Variants in CRACD observed in about 807,000 individuals in gnomAD.
CRACD encodes capping protein inhibiting regulator of actin dynamics.
CRACD carries 56 observed loss-of-function variants against 106.8 expected under a neutral mutation model. The observed-to-expected ratio is 0.52, with a 90% CI of 0.42 to 0.66. The LOEUF (loss-of-function observed/expected upper bound fraction) is 0.66, where lower values mean the gene tolerates loss of function less well. Ranked by LOEUF, CRACD falls within the 30% of genes least tolerant of loss-of-function variation. The pLI is 0.00. For missense variants in CRACD, 1,730 were observed against 1,623.2 expected, an observed-to-expected ratio of 1.07 and a Z score of -1.13; for synonymous variants, 754 against 670.8, an observed-to-expected ratio of 1.12 and a Z score of -1.92.
intron 3 of CRACD, among the ~76,000 whole-genome samples, chr4:56,280,825 T>C (rs951825731): frequency 2.0e-5 from 3 of 152,226 alleles, no homozygotes; most frequent in African/African-American, 7.2e-5. Flanking sequence ...TATACTGAAG[T>C]GCAGGCTCCC....
At chr4:56,306,383 A>G (rs1261716530) in intron 4 of CRACD, among the ~76,000 whole-genome samples, 1 of 152,078 alleles carries the variant, frequency 6.6e-6, no homozygotes, top group Non-Finnish European at 1.5e-5. Flanking sequence ...AATCCCAGCT[A>G]CTTGGAAGGC....
chr4:56,207,555 G>A (rs1052799735), intron 2 of CRACD, among the ~76,000 whole-genome samples: 27 of 151,746 alleles, frequency 1.8e-4, no homozygotes, highest in Non-Finnish European at 3.2e-4. Context: ...ATCTATCAAG[G>A]CATAAGGTTG....
chr4:56,300,662 C>G (rs1744317447), intron 4 of CRACD, among the ~76,000 whole-genome samples: 1 of 152,116 alleles, frequency 6.6e-6, no homozygotes, highest in Admixed American at 6.5e-5. Context: ...GTTCACAAAA[C>G]AGCTGTATTT....
At chr4:56,288,545 C>G (rs1245081132) in intron 3 of CRACD, 2 of 155,524 alleles carry the variant, frequency 1.3e-5, no homozygotes, top group African/African-American at 2.4e-5. Context: ...ATGATAATCT[C>G]CATATCGTTC....
intron 2 of CRACD, among the ~76,000 whole-genome samples, chr4:56,193,021 C>A (rs1487512817): frequency 6.6e-6 from 1 of 152,078 alleles, no homozygotes; most frequent in Non-Finnish European, 1.5e-5. Flanking sequence ...AAAGACATAC[C>A]CAAGACTGGG....
intron 2 of CRACD, among the ~76,000 whole-genome samples, chr4:56,185,910 G>A (rs1737076656): frequency 6.6e-6 from 1 of 152,202 alleles, no homozygotes; most frequent in South Asian, 2.1e-4. Flanking sequence ...TCTCTCCCAA[G>A]GGAGTTAAAT....
intron 2 of CRACD, among the ~76,000 whole-genome samples, chr4:56,267,719 G>C (rs1041346522): frequency 7.9e-5 from 12 of 152,308 alleles, no homozygotes; most frequent in Middle Eastern, 3.4e-3. Flanking sequence ...TGCTGAAACA[G>C]CGTTCCCATG....
At chr4:56,324,445 G>A (rs1432912101) in intron 10 of CRACD, among the ~76,000 whole-genome samples, 179 bp downstream of exon 10, 1 of 152,190 alleles carries the variant, frequency 6.6e-6, no homozygotes, top group African/African-American at 2.4e-5. Context: ...AAGACCACCA[G>A]GAGCTCACCC....
intron 1 of CRACD, among the ~76,000 whole-genome samples, chr4:56,132,203 T>C (rs1171397644): frequency 6.6e-6 from 1 of 151,910 alleles, no homozygotes; most frequent in East Asian, 1.9e-4. Flanking sequence ...GCCTGGCTAA[T>C]TTTTTTTGGT....
intron 6 of CRACD, among the ~76,000 whole-genome samples, chr4:56,312,736 C>T (rs1745240136): frequency 6.6e-6 from 1 of 152,114 alleles, no homozygotes; most frequent in African/African-American, 2.4e-5. Context: ...CAGCAAACTA[C>T]TCATTATTTT....
chr4:56,198,543 G>T (rs930145949), intron 2 of CRACD, among the ~76,000 whole-genome samples: 1 of 152,196 alleles, frequency 6.6e-6, no homozygotes, highest in African/African-American at 2.4e-5. Flanking sequence ...TACTTGTGAA[G>T]AAGTAGAAGC....
intron 1 of CRACD, among the ~76,000 whole-genome samples, chr4:56,054,751 T>C (rs1731996225): frequency 6.6e-6 from 1 of 152,204 alleles, no homozygotes. Context: ...TATAGTCACA[T>C]GTTATCAGAC....
Position 56,225,881 on chromosome 4 carries a change from G to T in CRACD, c.-188-46440G>T, listed in dbSNP as rs1215605530. 2.0e-5 allele frequency among the ~76,000 whole-genome samples: 3 copies of T among 152,122 alleles called. No individual in the cohort carries two copies. The East Asian group carries it at 5.8e-4, about 29-fold the overall frequency. On this transcript the variant is annotated intron_variant, in intron 2 of 10. Transcript: ENST00000682029. ...TAATACAAGGAAGTCTCCATTTTTA[G>T]GTAGAACCCATTCTTGGAAGTCACA... is the stretch of plus-strand genomic sequence containing the variant.
intron 1 of CRACD, among the ~76,000 whole-genome samples, chr4:56,128,475 G>A (rs1734725687): frequency 6.6e-6 from 1 of 152,116 alleles, no homozygotes; most frequent in South Asian, 2.1e-4. Flanking sequence ...GCTGGGCAGA[G>A]CTTTCATTCC....
At chr4:56,326,164 G>A (rs1182410134) in intron 10 of CRACD, among the ~76,000 whole-genome samples, 2 of 152,130 alleles carry the variant, frequency 1.3e-5, no homozygotes, top group African/African-American at 2.4e-5. Flanking sequence ...CGCCCACCTC[G>A]GCCTCCCAAA....
chr4:56,314,717 G>A lies in CRACD; in HGVS notation c.1215G>A (p.Glu405=), dbSNP rs1407882384. 1.3e-6 allele frequency: 2 copies of A among 1,567,108 alleles called. No homozygotes were observed. Among genetic ancestry groups the A allele is most frequent in the East Asian group, 2.3e-5 (1 of 43,126 alleles). ...AGGAGGAGGATCTGGGGGAAGAGGA[G>A]GAGGAGGGCCAGGCGCACCTGGAGG... ...GAEEEDLGEE[E]EEGQAHLEDW... Residue 405 remains glutamate, a synonymous_variant, in exon 8 of 11, where the codon GAG becomes GAA. Transcript: ENST00000682029. The surrounding 1 kb of genome is among the most constrained non-coding windows in gnomAD (Gnocchi z 4.4).
intron 1 of CRACD, among the ~76,000 whole-genome samples, chr4:56,078,746 C>A (rs1732924074): frequency 6.6e-6 from 1 of 152,200 alleles, no homozygotes; most frequent in Admixed American, 6.5e-5. Flanking sequence ...CCAAGTTTCA[C>A]TTTTCCCTTG....
chr4:56,226,987 C>T (rs1202642161), intron 2 of CRACD, among the ~76,000 whole-genome samples: 1 of 151,784 alleles, frequency 6.6e-6, no homozygotes, highest in South Asian at 2.1e-4. Context: ...GGAAGTAGCC[C>T]GACACCTCAC....
chr4:56,090,794 A>G (rs79906431), intron 1 of CRACD, among the ~76,000 whole-genome samples: 2,044 of 152,268 alleles, frequency 0.013, 20 homozygotes, highest in Non-Finnish European at 0.022. Flanking sequence ...TAGGGGCCAT[A>G]GTTCCAACCA....
Sources: gnomAD v4.1 joint callset for allele counts (sites outside exome capture counted in the v4.1 genomes callset) on GRCh38, gnomAD v4.1.1 for gene constraint, Gnocchi (gnomAD v3.1) non-coding constraint, MANE v1.5 for transcripts, NCBI Gene and HGNC (gene_info 2026-07-23, HGNC 2026-07-21) for gene names.